Variants in LCA5 observed in about 807,000 individuals in gnomAD.
LCA5 encodes lebercilin LCA5.
LCA5 carries 37 observed loss-of-function variants against 53.0 expected under a neutral mutation model. The ratio of observed to expected loss-of-function variants is 0.70; its 90% CI spans 0.54 to 0.92. LCA5 has a LOEUF of 0.92. Among genes scored for constraint, LCA5 ranks in the 40% least tolerant of loss-of-function variants. The pLI is 0.00. For missense variants in LCA5, 806 were observed against 790.5 expected, an observed-to-expected ratio of 1.02 and a Z score of -0.23; for synonymous variants, 303 against 282.9, an observed-to-expected ratio of 1.07 and a Z score of -0.71.
In LCA5 at chr6:79,492,552, A is replaced by T; in HGVS notation, c.954T>A (p.Asn318Lys). The part of the protein sequence containing the change: ...NKEKELALRK[N>K]AACQSDFADL... ...TTTGAACAATCATATTTACCATACC[A>T]TTTTTTCTTAATGCAAGTTCTTTCT... The change falls in exon 5 of 8, where the codon AAT becomes AAA. Residue 318 changes from asparagine to lysine, a missense_variant and splice_region_variant. Coordinates refer to ENST00000369846, the MANE Select transcript of LCA5 (RefSeq NM_001122769.3). The T allele has an allele frequency of 6.8e-7, 1 of 1,460,050 alleles. No homozygotes were observed. 90.4% of individuals were successfully genotyped at this position (1,460,050 alleles called of 1,614,324 possible).
At chr6:79,515,714 T>C (rs903132828) in intron 2 of LCA5, among the ~76,000 whole-genome samples, 1 of 152,112 alleles carries the variant, frequency 6.6e-6, no homozygotes, top group African/African-American at 2.4e-5. Context: ...CTTGATTCCA[T>C]TATGTAAACA....
chr6:79,492,511 A>G (rs1769871351), intron 5 of LCA5, 40 bp downstream of exon 5: 1 of 930,068 alleles, frequency 1.1e-6, no homozygotes, highest in African/African-American at 1.6e-5. Context: ...ACTAAATAAT[A>G]GCAATAATAT....
At chr6:79,515,242 TA>T (rs1766392724) in intron 2 of LCA5, among the ~76,000 whole-genome samples, 1 of 152,050 alleles carries the variant, frequency 6.6e-6, no homozygotes, top group African/African-American at 2.4e-5. Flanking sequence ...TTGGGAGAGT[TA>T]AATGTTCTAC....
chr6:79,512,971 C>T, intron 3 of LCA5, among the ~76,000 whole-genome samples: 1 of 152,058 alleles, frequency 6.6e-6, no homozygotes, highest in East Asian at 1.9e-4. Flanking sequence ...AATCAGATAA[C>T]CAAATAGAGT....
At chr6:79,499,951 G>C (rs1367236327) in intron 3 of LCA5, among the ~76,000 whole-genome samples, 3 of 150,748 alleles carry the variant, frequency 2.0e-5, no homozygotes, top group Non-Finnish European at 4.4e-5. Context: ...GCGGTGTTTG[G>C]TTTTTTGTTC....
At chr6:79,519,645 A>G (rs1441306309) in intron 1 of LCA5, among the ~76,000 whole-genome samples, 4 of 149,702 alleles carry the variant, frequency 2.7e-5, no homozygotes, top group African/African-American at 9.8e-5. Context: ...CGAACCCAGG[A>G]GGCCGAGGTT....
intron 1 of LCA5, among the ~76,000 whole-genome samples, chr6:79,532,629 TTCC>T (rs1766989935): frequency 6.6e-6 from 1 of 152,116 alleles, no homozygotes; most frequent in Non-Finnish European, 1.5e-5. Flanking sequence ...ACAAAAGTGG[TTCC>T]TTCTCTTCTT....
chr6:79,517,749 T>C (rs1766482095), intron 2 of LCA5, among the ~76,000 whole-genome samples: 1 of 152,206 alleles, frequency 6.6e-6, no homozygotes, highest in Non-Finnish European at 1.5e-5. Flanking sequence ...ATATTATTTT[T>C]TGAAGTAAAA....
chr6:79,512,411 A>T (rs1766247380), intron 3 of LCA5, among the ~76,000 whole-genome samples: 2 of 151,810 alleles, frequency 1.3e-5, no homozygotes, highest in Non-Finnish European at 2.9e-5. Flanking sequence ...TATAATGGGC[A>T]TGGCATATTA....
chr6:79,532,231 A>G (rs943623162), intron 1 of LCA5, among the ~76,000 whole-genome samples: 1 of 152,160 alleles, frequency 6.6e-6, no homozygotes, highest in Non-Finnish European at 1.5e-5. Context: ...TACTGTCCAC[A>G]GTGCTACTGG....
intron 6 of LCA5, among the ~76,000 whole-genome samples, chr6:79,491,049 C>CA (rs35640934): frequency 0.33 from 47,473 of 145,904 alleles, 8,239 homozygotes; most frequent in East Asian, 0.6. Context: ...TATAGAGGAC[C>CA]AAAAAAAAAA....
At chr6:79,507,274 AGATT>A (rs1770294201) in intron 3 of LCA5, among the ~76,000 whole-genome samples, 1 of 152,182 alleles carries the variant, frequency 6.6e-6, no homozygotes, top group African/African-American at 2.4e-5. Context: ...TGGGAAATAT[AGATT>A]TTTTGTTAAA....
At chr6:79,536,613 T>C (rs1239625548) in intron 1 of LCA5, among the ~76,000 whole-genome samples, 1 of 152,142 alleles carries the variant, frequency 6.6e-6, no homozygotes, top group Non-Finnish European at 1.5e-5. Context: ...TCTCATCCCA[T>C]CCCTGAAGGA....
At chr6:79,530,324 T>C (rs113521285) in intron 1 of LCA5, among the ~76,000 whole-genome samples, 2,010 of 151,892 alleles carry the variant, frequency 0.013, 50 homozygotes, top group African/African-American at 0.046. Context: ...CATGGACATA[T>C]AGAGGGGAAT....
chr6:79,513,154 T>A, intron 3 of LCA5, 58 bp downstream of exon 3: 1 of 1,507,588 alleles, frequency 6.6e-7, no homozygotes, highest in Non-Finnish European at 9.2e-7. Context: ...GAGAGCACAT[T>A]AAATGCCCAA....
intron 3 of LCA5, among the ~76,000 whole-genome samples, chr6:79,506,478 A>T (rs1240402817): frequency 6.6e-6 from 1 of 152,128 alleles, no homozygotes; most frequent in Non-Finnish European, 1.5e-5. Flanking sequence ...TGCATCCCTG[A>T]TCAGGAATAC....
chr6:79,535,742 G>A (rs1485736469), intron 1 of LCA5, among the ~76,000 whole-genome samples: 1 of 152,074 alleles, frequency 6.6e-6, no homozygotes, highest in Non-Finnish European at 1.5e-5. Context: ...AATTGGGAGA[G>A]TGTTAATAAA....
intron 6 of LCA5, 90 bp from the exon 7 acceptor site, chr6:79,489,306 C>T (rs1769771810): frequency 1.6e-6 from 2 of 1,283,290 alleles, no homozygotes; most frequent in African/African-American, 3.0e-5. Flanking sequence ...ACATGATTAC[C>T]AACTAAGTTA....
intron 1 of LCA5, among the ~76,000 whole-genome samples, chr6:79,521,618 T>C (rs1014357201): frequency 1.3e-5 from 2 of 152,206 alleles, no homozygotes; most frequent in Non-Finnish European, 2.9e-5. Context: ...ATTTGAATTA[T>C]GAGTGTCAGT....
Sources: allele counts gnomAD v4.1 joint callset (sites outside exome capture counted in the v4.1 genomes callset), GRCh38; gene constraint gnomAD v4.1.1; transcripts MANE v1.5; gene names NCBI Gene and HGNC (gene_info 2026-07-23, HGNC 2026-07-21).